The following CYP7B1 variants were observed in gnomAD, a reference collection of about 807,000 sequenced individuals.
The protein encoded by CYP7B1 is cytochrome P450 family 7 subfamily B member 1.
In CYP7B1, 29 loss-of-function variants were observed where a neutral mutation model predicts 42.7. The ratio of observed to expected loss-of-function variants is 0.68; its 90% CI spans 0.51 to 0.93. The LOEUF is 0.93. CYP7B1 is among the 40% of genes least tolerant of loss of function. CYP7B1 has a pLI of 0.00. For missense variants in CYP7B1, 655 were observed against 600.5 expected, an observed-to-expected ratio of 1.09 and a Z score of -0.95; for synonymous variants, 235 against 218.2, an observed-to-expected ratio of 1.08 and a Z score of -0.68.
chr8:64,702,106 G>T lies in CYP7B1; in HGVS notation c.123-77567C>A, dbSNP rs572306928. ...GACTGATAATATTTTTTATGGGAAG[G>T]GGAGGCTTTAATGGCACATATCTAA... On this transcript the variant is annotated intron_variant, in intron 1 of 5. Coordinates refer to ENST00000310193, the MANE Select transcript of CYP7B1 (RefSeq NM_004820.5). Among the ~76,000 whole-genome samples the T allele has an allele frequency of 3.9e-5, 6 of 152,150 alleles. No individual in the cohort carries two copies. The South Asian group carries it at 1.2e-3, about 32-fold the overall frequency.
chr8:64,798,646 G>A lies in CYP7B1; in HGVS notation c.-59C>T. 4 of 1,434,708 alleles carry A rather than the reference G, an allele frequency of 2.8e-6. No individual in the cohort carries two copies. Among genetic ancestry groups the A allele is most frequent in the Middle Eastern group, 2.5e-4 (1 of 4,028 alleles). The allele number at this position is 1,434,708 out of a possible 1,614,324, so 88.9% of individuals were successfully genotyped here. ...GGTCTGCCTGCGAACAGCGCGGTCG[G>A]CGACTCTGCAGCCTGCGGCGGCTTC... On this transcript the variant is annotated 5_prime_UTR_variant, in exon 1 of 6. Coordinates refer to ENST00000310193, the MANE Select transcript of CYP7B1 (RefSeq NM_004820.5).
intron 1 of CYP7B1, chr8:64,734,415 G>T (rs1356181759): frequency 2.0e-5 from 3 of 152,116 alleles, no homozygotes; most frequent in African/African-American, 7.2e-5. Context: ...GCTTCTAAAA[G>T]GCACCTTGAA....
rs149144393 is a variant in CYP7B1 at position 64,774,624 on chromosome 8, G to T, written c.122+23842C>A. On this transcript the variant is annotated intron_variant, in intron 1 of 5. Transcript: ENST00000310193. ...CATAAGTGTGAACATTGGGAGAGGGGTATAAACAGGTCCCATATTTATACT... is the reference window on the plus strand; with the variant it reads ...CATAAGTGTGAACATTGGGAGAGGGTTATAAACAGGTCCCATATTTATACT... 3.9e-5 allele frequency among the ~76,000 whole-genome samples: 6 copies of T among 152,272 alleles called. No homozygotes were observed. In the East Asian group the frequency reaches 1.2e-3, roughly 29 times the overall value.
At chr8:64,642,235 T>C (rs1197130414) in intron 1 of CYP7B1, among the ~76,000 whole-genome samples, 1 of 152,142 alleles carries the variant, frequency 6.6e-6, no homozygotes, top group African/African-American at 2.4e-5. Context: ...CTATGTGTAT[T>C]GTACTCTATT....
chr8:64,647,358 A>C (rs1258720356), intron 1 of CYP7B1, among the ~76,000 whole-genome samples: 5 of 152,204 alleles, frequency 3.3e-5, no homozygotes, highest in African/African-American at 1.2e-4. Flanking sequence ...TGTGACACAA[A>C]GATATGAAGT....
At chr8:64,698,087 C>T (rs1273928739) in intron 1 of CYP7B1, among the ~76,000 whole-genome samples, 1 of 152,168 alleles carries the variant, frequency 6.6e-6, no homozygotes, top group Non-Finnish European at 1.5e-5. Context: ...ACCAGTTTTC[C>T]AATGTCTCAT....
intron 1 of CYP7B1, among the ~76,000 whole-genome samples, chr8:64,796,612 T>C (rs1337760355): frequency 6.6e-6 from 1 of 152,162 alleles, no homozygotes; most frequent in Non-Finnish European, 1.5e-5. Flanking sequence ...CCATCTTACA[T>C]AAATATTTCC....
chr8:64,730,124 C>T (rs1807386414), intron 1 of CYP7B1, among the ~76,000 whole-genome samples: 2 of 152,136 alleles, frequency 1.3e-5, no homozygotes, highest in South Asian at 4.1e-4. Context: ...TGCAGTGGTA[C>T]CATCTCAGCT....
intron 2 of CYP7B1, among the ~76,000 whole-genome samples, chr8:64,621,362 C>T (rs1039327064): frequency 7.9e-5 from 12 of 152,176 alleles, no homozygotes; most frequent in African/African-American, 2.7e-4. Context: ...GGGAGTAACT[C>T]GACCCTGGAG....
intron 1 of CYP7B1, among the ~76,000 whole-genome samples, chr8:64,667,572 T>A (rs1806300929): frequency 6.6e-6 from 1 of 152,186 alleles, no homozygotes; most frequent in Admixed American, 6.5e-5. Flanking sequence ...TATTATCTGA[T>A]CTTTTTATAT....
rs917696140 is a variant in CYP7B1 at position 64,615,105 on chromosome 8, C to T, written c.978G>A (p.Leu326=). The T allele has an allele frequency of 5.0e-6, 8 of 1,613,704 alleles. No individual in the cohort carries two copies. Among genetic ancestry groups the T allele is most frequent in the Admixed American group, 1.7e-5 (1 of 59,930 alleles). ...AAVRDEIDRL[L]QSTGQKKGSG... ...ACCCTTTCTTTTGACCTGTTGACTG[C>T]AGCAAACGGTCAATTTCGTCACGCA... The change falls in exon 4 of 6, where the codon CTG becomes CTA. Residue 326 remains leucine, a synonymous_variant. Transcript: ENST00000310193.
At chr8:64,793,084 A>G (rs140841642) in intron 1 of CYP7B1, among the ~76,000 whole-genome samples, 4 of 152,196 alleles carry the variant, frequency 2.6e-5, no homozygotes, top group Admixed American at 6.5e-5. Flanking sequence ...TGAGAGAGGC[A>G]AGGAAATGTA....
At chr8:64,700,522 G>A (rs534449850) in intron 1 of CYP7B1, among the ~76,000 whole-genome samples, 1 of 152,246 alleles carries the variant, frequency 6.6e-6, no homozygotes, top group African/African-American at 2.4e-5. Flanking sequence ...AGTAGGACAA[G>A]ATCACTATCT....
chr8:64,709,622 C>T (rs1807051001), intron 1 of CYP7B1, among the ~76,000 whole-genome samples: 1 of 151,912 alleles, frequency 6.6e-6, no homozygotes, highest in Non-Finnish European at 1.5e-5. Context: ...GTATATTTTA[C>T]AAAGAAAGAA....
At chr8:64,721,855 T>C (rs781570054) in intron 1 of CYP7B1, among the ~76,000 whole-genome samples, 44 of 152,218 alleles carry the variant, frequency 2.9e-4, no homozygotes, top group Admixed American at 1.8e-3. Context: ...CTGTAAATGT[T>C]TCATTTATTG....
chr8:64,600,308 GT>G (rs1805182740), intron 5 of CYP7B1, among the ~76,000 whole-genome samples: 1 of 152,174 alleles, frequency 6.6e-6, no homozygotes, highest in African/African-American at 2.4e-5. Flanking sequence ...CAAATACTAT[GT>G]TTAGTTCAGT....
At chr8:64,604,425 T>C (rs976086594) in intron 5 of CYP7B1, among the ~76,000 whole-genome samples, 5 of 152,364 alleles carry the variant, frequency 3.3e-5, no homozygotes, top group African/African-American at 1.2e-4. Flanking sequence ...CAAGGCGCAA[T>C]GTCCACTTCA....
intron 5 of CYP7B1, among the ~76,000 whole-genome samples, chr8:64,599,518 T>C (rs1025551356): frequency 7.2e-5 from 11 of 152,156 alleles, no homozygotes; most frequent in Non-Finnish European, 1.6e-4. Context: ...GTGACCATAA[T>C]AAGCATGTTG....
intron 1 of CYP7B1, among the ~76,000 whole-genome samples, chr8:64,787,712 T>C (rs778276006): frequency 5.9e-5 from 9 of 152,206 alleles, no homozygotes; most frequent in Admixed American, 2.0e-4. Flanking sequence ...GGAATCTGTA[T>C]AGCAGTGCCC....
Sources: gnomAD v4.1 joint callset for allele counts (sites outside exome capture counted in the v4.1 genomes callset) on GRCh38, gnomAD v4.1.1 for gene constraint, MANE v1.5 for transcripts, NCBI Gene and HGNC (gene_info 2026-07-23, HGNC 2026-07-21) for gene names.